The following TTC7B variants were observed in gnomAD, a reference collection of about 807,000 sequenced individuals.
TTC7B encodes the protein tetratricopeptide repeat domain 7B, also known as tetratricopeptide repeat protein 7B.
In TTC7B, 28 loss-of-function variants were observed where a neutral mutation model predicts 106.8. That is an observed-to-expected ratio of 0.26 (90% confidence interval 0.19 to 0.36). The LOEUF is 0.36. TTC7B is among the 10% of genes least tolerant of loss of function. The pLI is 1.00. For synonymous variants in TTC7B, 405 were observed against 430.6 expected, an observed-to-expected ratio of 0.94 and a Z score of 0.74; for missense variants, 862 against 1,076.4, an observed-to-expected ratio of 0.80 and a Z score of 2.79.
intron 8 of TTC7B, 93 bp from the exon 9 acceptor site, chr14:90,676,753 G>A: frequency 2.1e-6 from 3 of 1,419,536 alleles, no homozygotes; most frequent in South Asian, 1.3e-5. Context: ...CTACCAATTT[G>A]CGAAGGGAAT....
chr14:90,760,765 C>T (rs1566874672), intron 3 of TTC7B, among the ~76,000 whole-genome samples: 1 of 152,336 alleles, frequency 6.6e-6, no homozygotes, highest in Non-Finnish European at 1.5e-5. Flanking sequence ...AAATGAGCTT[C>T]AGCCACTCCT....
chr14:90,652,675 A>T (rs573421179), intron 13 of TTC7B, among the ~76,000 whole-genome samples, 166 bp downstream of exon 13: 1 of 152,328 alleles, frequency 6.6e-6, no homozygotes, highest in East Asian at 1.9e-4. Context: ...ACACAGCAAC[A>T]AGTGATACAG....
chr14:90,714,034 C>T (rs1287114774), intron 5 of TTC7B, among the ~76,000 whole-genome samples: 1 of 152,098 alleles, frequency 6.6e-6, no homozygotes, highest in Non-Finnish European at 1.5e-5. Context: ...TCGAGACCAG[C>T]CTGACTAACA....
intron 17 of TTC7B, among the ~76,000 whole-genome samples, chr14:90,609,546 G>T (rs568005839): frequency 6.6e-6 from 1 of 152,334 alleles, no homozygotes; most frequent in South Asian, 2.1e-4. Context: ...GCAAGACTCA[G>T]AGCTGCTCTC....
intron 19 of TTC7B, among the ~76,000 whole-genome samples, chr14:90,574,049 T>C (rs1247588415): frequency 6.6e-6 from 1 of 152,160 alleles, no homozygotes; most frequent in African/African-American, 2.4e-5. Flanking sequence ...CCTGTCCTGG[T>C]GATTTTGTCC....
At chr14:90,689,453 C>A in intron 7 of TTC7B, 87 bp downstream of exon 7, 2 of 1,183,406 alleles carry the variant, frequency 1.7e-6, no homozygotes, top group Non-Finnish European at 1.2e-6. Context: ...AGGAAAAAAT[C>A]TACTCTTGTA....
intron 5 of TTC7B, among the ~76,000 whole-genome samples, chr14:90,720,320 A>T (rs764811399): frequency 6.6e-6 from 1 of 152,164 alleles, no homozygotes; most frequent in Non-Finnish European, 1.5e-5. Flanking sequence ...TTTCCTCCTC[A>T]ATGCTGTAAC....
chr14:90,807,514 C>T lies in TTC7B; in HGVS notation c.121+8661G>A, dbSNP rs2030677091. On this transcript the variant is annotated intron_variant, in intron 1 of 19. Transcript: ENST00000328459. This position sits in a 1 kb window ranked among gnomAD's most constrained non-coding sequence, Gnocchi z 4.1. Reference sequence around the variant, plus strand: ...GAGTTGCTAACTAGCCCCCAGGGGACCCTGCTGCCCAGAGGTTGAGCGACA... The same window carrying T: ...GAGTTGCTAACTAGCCCCCAGGGGATCCTGCTGCCCAGAGGTTGAGCGACA... Among the ~76,000 whole-genome samples the T allele has an allele frequency of 6.6e-6, 1 of 152,186 alleles. No homozygotes were observed. The highest frequency in any genetic ancestry group is 2.4e-5 in the African/African-American group (1 of 41,446).
At chr14:90,591,342 C>T (rs533905809) in intron 18 of TTC7B, among the ~76,000 whole-genome samples, 1 of 152,032 alleles carries the variant, frequency 6.6e-6, no homozygotes, top group Non-Finnish European at 1.5e-5. Flanking sequence ...CTCCAACCCC[C>T]CGAAAAAATA....
intron 19 of TTC7B, among the ~76,000 whole-genome samples, chr14:90,544,020 C>T (rs761493665): frequency 1.3e-5 from 2 of 152,184 alleles, no homozygotes; most frequent in Non-Finnish European, 2.9e-5. Flanking sequence ...AGGAGGAGCA[C>T]GTGGTTGGGG....
At chr14:90,630,996 A>C (rs111997913) in intron 15 of TTC7B, among the ~76,000 whole-genome samples, 8,627 of 151,962 alleles carry the variant, frequency 0.057, 325 homozygotes, top group African/African-American at 0.1. Flanking sequence ...CACCACGCCC[A>C]GCTAATTTTT....
At chr14:90,758,332 G>C (rs1890378046) in intron 3 of TTC7B, among the ~76,000 whole-genome samples, 1 of 147,188 alleles carries the variant, frequency 6.8e-6, no homozygotes, top group Non-Finnish European at 1.5e-5. Flanking sequence ...ACGGCGGGGC[G>C]GGGCGGGGCG....
At chr14:90,760,349 T>A (rs1032384604) in intron 3 of TTC7B, among the ~76,000 whole-genome samples, 1 of 152,294 alleles carries the variant, frequency 6.6e-6, no homozygotes, top group South Asian at 2.1e-4. Context: ...TCCTCCACAG[T>A]CTGCAGAGGT....
At chr14:90,549,160 T>A (rs998466104) in intron 19 of TTC7B, among the ~76,000 whole-genome samples, 1 of 151,474 alleles carries the variant, frequency 6.6e-6, no homozygotes, top group Non-Finnish European at 1.5e-5. Flanking sequence ...TCTTAGCATC[T>A]GCAAGTCAGC....
intron 15 of TTC7B, among the ~76,000 whole-genome samples, chr14:90,634,886 G>A (rs4904717): frequency 0.83 from 126,052 of 152,184 alleles, 52,950 homozygotes; most frequent in South Asian, 0.9. Context: ...AAACAGCCCA[G>A]TGAATACTGA....
chr14:90,579,226 C>G (rs960982023), intron 18 of TTC7B, among the ~76,000 whole-genome samples: 25 of 152,312 alleles, frequency 1.6e-4, no homozygotes, highest in Non-Finnish European at 2.1e-4. Context: ...AATCACCCCC[C>G]ACCCCTCTCC....
chr14:90,724,520 G>A (rs1024276873), intron 5 of TTC7B, among the ~76,000 whole-genome samples: 13 of 152,270 alleles, frequency 8.5e-5, no homozygotes, highest in Admixed American at 7.8e-4. Flanking sequence ...TCATGATAAC[G>A]AGTGAGTTCT....
At chr14:90,760,974 G>A (rs1470607487) in intron 3 of TTC7B, among the ~76,000 whole-genome samples, 1 of 152,134 alleles carries the variant, frequency 6.6e-6, no homozygotes, top group Non-Finnish European at 1.5e-5. Flanking sequence ...AGGAAAATGG[G>A]CTCCTTCTCC....
At chr14:90,680,394 A>G in intron 8 of TTC7B, 78 bp downstream of exon 8, 1 of 1,077,302 alleles carries the variant, frequency 9.3e-7, no homozygotes, top group South Asian at 1.3e-5. Flanking sequence ...AAGAGTCATG[A>G]TACTGGCAGA....
Sources: allele counts gnomAD v4.1 joint callset (sites outside exome capture counted in the v4.1 genomes callset), GRCh38; gene constraint gnomAD v4.1.1; non-coding constraint Gnocchi (gnomAD v3.1); transcripts MANE v1.5; gene names NCBI Gene and HGNC (gene_info 2026-07-23, HGNC 2026-07-21).